CEP63: variants seen among roughly 807,000 people sequenced by gnomAD.
CEP63 encodes the protein centrosomal protein 63, also known as centrosomal protein of 63 kDa.
CEP63 carries 84 observed loss-of-function variants against 89.1 expected under a neutral mutation model. The ratio of observed to expected loss-of-function variants is 0.94; its 90% confidence interval spans 0.79 to 1.13. CEP63 has a LOEUF of 1.13. Among genes scored for constraint, CEP63 ranks in the 50% most tolerant of loss-of-function variants. The pLI is 0.00. For synonymous variants in CEP63, 267 were observed against 272.5 expected (o/e 0.98, Z 0.20); for missense variants, 838 against 813.3 (o/e 1.03, Z -0.37).
At chr3:134,499,390 A>T (rs1284037727) in intron 2 of CEP63, among the ~76,000 whole-genome samples, 3 of 151,572 alleles carry the variant, frequency 2.0e-5, no homozygotes, top group African/African-American at 7.3e-5. Context: ...GATTTTATTT[A>T]TTTGGGTCTT....
At chr3:134,667,878 A>G in the CEP63 span, among the ~76,000 whole-genome samples, 2 of 152,370 alleles carry the variant, frequency 1.3e-5, no homozygotes, top group African/African-American at 4.8e-5. Context: ...ATTGGTGAGT[A>G]AGATGATACA....
At chr3:134,775,106 T>G in the CEP63 span, among the ~76,000 whole-genome samples, 6 of 152,204 alleles carry the variant, frequency 3.9e-5, no homozygotes, top group African/African-American at 9.7e-5. Flanking sequence ...ATAACATACC[T>G]TTATTGTCTT....
At chr3:134,625,102 A>G in the CEP63 span, 9 of 1,603,190 alleles carry the variant, frequency 5.6e-6, no homozygotes, top group Non-Finnish European at 7.7e-6. Context: ...GTCCAGGGAC[A>G]TGGATTTCAG....
At chr3:134,630,206 G>A in the CEP63 span, among the ~76,000 whole-genome samples, 1 of 152,180 alleles carries the variant, frequency 6.6e-6, no homozygotes. Flanking sequence ...CAGAGAGAGT[G>A]AAAGAAATCT....
At chr3:134,690,743 ATTTTTTTTT>A in the CEP63 span, among the ~76,000 whole-genome samples, 57 of 120,796 alleles carry the variant, frequency 4.7e-4, no homozygotes, top group South Asian at 0.014. Flanking sequence ...GAAGACCAAG[ATTTTTTTTT>A]TTTTTTTTTT....
chr3:134,641,164 T>C, the CEP63 span: 1 of 152,294 alleles, frequency 6.6e-6, no homozygotes, highest in Non-Finnish European at 1.5e-5. Context: ...CCTCTTTCCT[T>C]GCTTAGATGT....
chr3:134,578,722 T>G (rs550037431), downstream of CEP63, among the ~76,000 whole-genome samples: 3 of 152,310 alleles, frequency 2.0e-5, no homozygotes, highest in South Asian at 6.2e-4. Flanking sequence ...TTTTGAGAAG[T>G]GTCTGTTCAT....
the CEP63 span, chr3:134,643,423 T>A: frequency 1.3e-6 from 2 of 1,550,126 alleles, no homozygotes; most frequent in Non-Finnish European, 1.8e-6. Flanking sequence ...ACTGGGGAAT[T>A]TTCCCCAGGC....
At chr3:134,528,083 C>A (rs185591022) in intron 3 of CEP63, among the ~76,000 whole-genome samples, 2 of 152,282 alleles carry the variant, frequency 1.3e-5, no homozygotes, top group East Asian at 3.9e-4. Flanking sequence ...TCCAGAGGCC[C>A]GTGGCAAGAG....
chr3:134,775,600 C>T, the CEP63 span, among the ~76,000 whole-genome samples: 1 of 152,104 alleles, frequency 6.6e-6, no homozygotes, highest in Non-Finnish European at 1.5e-5. Flanking sequence ...CAGGGAGCCC[C>T]AGAGAGTCCA....
At chr3:134,669,182 C>A in the CEP63 span, among the ~76,000 whole-genome samples, 26 of 152,046 alleles carry the variant, frequency 1.7e-4, no homozygotes, top group Non-Finnish European at 4.4e-5. Flanking sequence ...TGTGCCCCTA[C>A]ACGCGGCTTA....
chr3:134,495,345 C>G lies in CEP63; in HGVS notation c.25C>G (p.Gln9Glu). 12 of 1,613,316 alleles carry G rather than the reference C, an allele frequency of 7.4e-6. No individual in the cohort carries two copies. The highest frequency in any genetic ancestry group is 1.0e-5 in the Non-Finnish European group (12 of 1,179,430). MEALLEGI[Q>E]NRGHGGGFLT... ...GATGGAGGCTTTGTTAGAAGGAATA[C>G]AAAATCGAGGGCATGGTGGGTAAGT... Residue 9 changes from glutamine to glutamate, a missense_variant, in exon 2 of 15, where the codon CAA becomes GAA. Gln to Glu is a conservative substitution (Grantham distance 29). Coordinates refer to ENST00000675561, the MANE Select transcript of CEP63 (RefSeq NM_001353108.3).
the CEP63 span, among the ~76,000 whole-genome samples, chr3:134,636,473 G>T: frequency 6.6e-6 from 1 of 152,150 alleles, no homozygotes; most frequent in African/African-American, 2.4e-5. Flanking sequence ...TCTCATTCTT[G>T]GGATCCCAGC....
intron 3 of CEP63, among the ~76,000 whole-genome samples, chr3:134,513,306 T>C (rs1945437762): frequency 1.3e-5 from 2 of 152,218 alleles, no homozygotes; most frequent in Admixed American, 1.3e-4. Flanking sequence ...CTTTATTCTA[T>C]TTTCAGGCCT....
the CEP63 span, among the ~76,000 whole-genome samples, chr3:134,601,442 G>A: frequency 1.1e-4 from 16 of 152,344 alleles, no homozygotes; most frequent in Admixed American, 1.0e-3. Flanking sequence ...CAGCCAGCGC[G>A]GGGTCCAGTG....
In CEP63 at chr3:134,564,319, C is replaced by T; in HGVS notation, c.*2784C>T. 2 of 985,450 alleles carry T rather than the reference C, an allele frequency of 2.0e-6. No individual in the cohort carries two copies. Among genetic ancestry groups the T allele is most frequent in the Non-Finnish European group, 2.4e-6 (2 of 829,962 alleles). The allele number at this position is 985,450 out of a possible 1,614,324, so 61.0% of individuals were successfully genotyped here. ...TGCATGCTGTCCTTCAGTTTGTCTC[C>T]TCTTCCCACACCCTGTCATGTGCTC... On this transcript the variant is annotated 3_prime_UTR_variant, in exon 15 of 15. Coordinates refer to ENST00000675561, the MANE Select transcript of CEP63 (RefSeq NM_001353108.3).
chr3:134,546,641 G>A (rs1364632012), intron 8 of CEP63, among the ~76,000 whole-genome samples: 1 of 152,190 alleles, frequency 6.6e-6, no homozygotes, highest in Non-Finnish European at 1.5e-5. Flanking sequence ...ACAGGTGTGA[G>A]CTGCCACGCC....
the CEP63 span, chr3:134,604,167 G>C: frequency 1.2e-5 from 20 of 1,609,356 alleles, no homozygotes; most frequent in South Asian, 2.1e-4. Context: ...CAGGGTGGGA[G>C]GGCTTCATGA....
chr3:134,669,084 A>G, the CEP63 span, among the ~76,000 whole-genome samples: 2 of 152,018 alleles, frequency 1.3e-5, no homozygotes, highest in African/African-American at 4.8e-5. Context: ...ATTCAGTGGC[A>G]TGGTGGTCAC....
Sources: allele counts gnomAD v4.1 joint callset (sites outside exome capture counted in the v4.1 genomes callset), GRCh38; gene constraint gnomAD v4.1.1; transcripts MANE v1.5; gene names NCBI Gene and HGNC (gene_info 2026-07-23, HGNC 2026-07-21).